The following MINDY2 variants were observed in gnomAD, a reference collection of about 807,000 sequenced individuals.
MINDY2 encodes MINDY lysine 48 deubiquitinase 2.
Under a neutral mutation model 68.2 loss-of-function variants are expected in MINDY2, and 52 were observed. The ratio of observed to expected loss-of-function variants is 0.76; its 90% CI spans 0.61 to 0.96. MINDY2 has a LOEUF of 0.96. Among genes scored for constraint, MINDY2 ranks in the 40% least tolerant of loss-of-function variants. The pLI, the probability that MINDY2 is intolerant of heterozygous loss-of-function variation, is 0.00. For missense variants in MINDY2, 881 were observed against 773.4 expected, an observed-to-expected ratio of 1.14 and a Z score of -1.65; for synonymous variants, 372 against 303.0, an observed-to-expected ratio of 1.23 and a Z score of -2.36.
At chr15:58,823,378 A>C (rs1233818974) in intron 5 of MINDY2, among the ~76,000 whole-genome samples, 1 of 151,922 alleles carries the variant, frequency 6.6e-6, no homozygotes, top group African/African-American at 2.4e-5. Flanking sequence ...TAAACATATA[A>C]AGATACAGGG....
chr15:58,774,904 G>A (rs1281992777), intron 1 of MINDY2, among the ~76,000 whole-genome samples: 3 of 152,182 alleles, frequency 2.0e-5, no homozygotes, highest in Admixed American at 6.5e-5. Flanking sequence ...GCATGCTAAT[G>A]AATTTGGAGA....
chr15:58,841,477 C>T (rs1249855499), intron 6 of MINDY2, among the ~76,000 whole-genome samples: 3 of 149,552 alleles, frequency 2.0e-5, no homozygotes, highest in African/African-American at 7.4e-5. Context: ...GTGATCTTGG[C>T]TCATTGCAAC....
chr15:58,852,863 T>C (rs2032890190), intron 8 of MINDY2, among the ~76,000 whole-genome samples: 1 of 150,946 alleles, frequency 6.6e-6, no homozygotes, highest in Non-Finnish European at 1.5e-5. Flanking sequence ...AAATCTCATT[T>C]CATTAAGTTA....
intron 5 of MINDY2, among the ~76,000 whole-genome samples, chr15:58,822,136 C>T (rs1445152573): frequency 6.6e-6 from 1 of 151,936 alleles, no homozygotes; most frequent in East Asian, 1.9e-4. Flanking sequence ...TGCCTGTAAT[C>T]CCAGCTACTC....
chr15:58,854,353 G>C (rs2032976454), intron 8 of MINDY2, 129 bp from the exon 9 acceptor site: 2 of 945,774 alleles, frequency 2.1e-6, no homozygotes, highest in Admixed American at 5.7e-5. Context: ...TAACAAATCT[G>C]TATGCCAATA....
At position 58,790,367 on chromosome 15, in the gene MINDY2, CA is replaced by C. The variant is rs144746841; in HGVS notation, c.898+2406del. ...ATGCTGGGTGATTTTGAGGAATAGC[CA>C]ATATGACTGTCAAGGAGTACACAAA... On this transcript the variant is annotated intron_variant, in intron 2 of 8. Transcript: ENST00000559228. 2.9e-3 allele frequency among the ~76,000 whole-genome samples: 438 copies of C among 152,018 alleles called. 5 individuals are homozygous for C. Among genetic ancestry groups the C allele is most frequent in the African/African-American group, 9.8e-3 (405 of 41,482 alleles).
At chr15:58,814,356 A>T (rs1253148588) in intron 4 of MINDY2, among the ~76,000 whole-genome samples, 2 of 151,104 alleles carry the variant, frequency 1.3e-5, no homozygotes, top group African/African-American at 4.9e-5. Flanking sequence ...CTTTCTAATT[A>T]GATTGGTTCT....
intron 1 of MINDY2, among the ~76,000 whole-genome samples, chr15:58,787,703 G>C (rs421829): frequency 0.54 from 79,577 of 147,346 alleles, 23,804 homozygotes; most frequent in East Asian, 0.94. Context: ...CGCCACTGCA[G>C]TCCACCCTGG....
At chr15:58,791,581 C>CACTCT (rs1361691823) in intron 2 of MINDY2, among the ~76,000 whole-genome samples, 4 of 150,494 alleles carry the variant, frequency 2.7e-5, no homozygotes, top group Admixed American at 1.3e-4. Context: ...CACAAGACTG[C>CACTCT]ACTCTACCCT....
At chr15:58,785,818 A>G (rs1474815091) in intron 1 of MINDY2, among the ~76,000 whole-genome samples, 2 of 152,138 alleles carry the variant, frequency 1.3e-5, no homozygotes, top group African/African-American at 4.8e-5. Flanking sequence ...CTGGGACTAC[A>G]GGTGTGCGCC....
At chr15:58,820,654 C>A (rs1291382622) in intron 4 of MINDY2, among the ~76,000 whole-genome samples, 1 of 152,044 alleles carries the variant, frequency 6.6e-6, no homozygotes, top group South Asian at 2.1e-4. Context: ...CGCTATGCAT[C>A]GGAATCACCT....
At chr15:58,829,089 CAAAT>C (rs780841442) in intron 5 of MINDY2, among the ~76,000 whole-genome samples, 12 of 152,006 alleles carry the variant, frequency 7.9e-5, no homozygotes, top group East Asian at 3.9e-4. Context: ...GATAAGTTTA[CAAAT>C]AAATAAACTG....
At chr15:58,775,144 C>G (rs545605852) in intron 1 of MINDY2, among the ~76,000 whole-genome samples, 34 of 152,310 alleles carry the variant, frequency 2.2e-4, no homozygotes, top group African/African-American at 7.9e-4. Context: ...TGGAGTTTTT[C>G]AGGCTACATG....
Position 58,772,005 on chromosome 15 carries a change from G to A in MINDY2, c.610G>A (p.Glu204Lys), listed in dbSNP as rs769723929. Residue 204 changes from glutamate (E) to lysine (K), a missense_variant, in exon 1 of 9, where the codon GAG (glutamate) becomes AAG (lysine). Transcript: ENST00000559228. ...EEGAENRVPEEEEGAAVLPGA... is the reference protein window; with the variant it reads ...EEGAENRVPEKEEGAAVLPGA... Reference sequence around the variant, plus strand: ...GGGAGCGGAGAACAGGGTCCCTGAGGAGGAGGAGGGCGCGGCGGTGTTGCC... The same window carrying A: ...GGGAGCGGAGAACAGGGTCCCTGAGAAGGAGGAGGGCGCGGCGGTGTTGCC... The A allele has an allele frequency of 5.6e-6, 9 of 1,593,914 alleles. No individual in the cohort carries two copies. In the East Asian group the frequency reaches 1.6e-4, roughly 28 times the overall value.
chr15:58,827,745 C>A (rs2031489415), intron 5 of MINDY2, among the ~76,000 whole-genome samples: 1 of 152,116 alleles, frequency 6.6e-6, no homozygotes, highest in East Asian at 1.9e-4. Context: ...AGCCACCGTG[C>A]CTGGCCTATT....
intron 6 of MINDY2, among the ~76,000 whole-genome samples, chr15:58,845,770 G>A (rs1423982923): frequency 6.6e-6 from 1 of 152,128 alleles, no homozygotes; most frequent in East Asian, 1.9e-4. Context: ...AGCACTATTC[G>A]CAATAGCCAA....
intron 1 of MINDY2, among the ~76,000 whole-genome samples, chr15:58,783,074 C>T (rs1229790032): frequency 1.3e-5 from 2 of 151,862 alleles, no homozygotes; most frequent in South Asian, 2.1e-4. Flanking sequence ...CACCTGCCAC[C>T]GCGCCTGGCT....
intron 5 of MINDY2, among the ~76,000 whole-genome samples, chr15:58,825,458 T>A (rs2031333932): frequency 6.6e-6 from 1 of 152,220 alleles, no homozygotes; most frequent in Non-Finnish European, 1.5e-5. Flanking sequence ...GTGATGATGC[T>A]GATTTTTCAT....
chr15:58,804,906 T>C (rs1382951891), intron 3 of MINDY2, among the ~76,000 whole-genome samples: 2 of 152,104 alleles, frequency 1.3e-5, no homozygotes, highest in Non-Finnish European at 2.9e-5. Flanking sequence ...GGCAGGAGGA[T>C]TACTTGAGCC....
Sources: allele counts gnomAD v4.1 joint callset (sites outside exome capture counted in the v4.1 genomes callset), GRCh38; gene constraint gnomAD v4.1.1; transcripts MANE v1.5; gene names NCBI Gene and HGNC (gene_info 2026-07-23, HGNC 2026-07-21).